Variants in HDAC1 observed in about 807,000 individuals in gnomAD.
The protein encoded by HDAC1 is histone deacetylase 1.
A neutral mutation model predicts 65.5 loss-of-function variants in HDAC1; 18 were observed. That is an observed-to-expected ratio of 0.27 (90% CI 0.19 to 0.41). The LOEUF (loss-of-function observed/expected upper bound fraction) is 0.41. Ranked by LOEUF, HDAC1 falls within the 10% of genes least tolerant of loss-of-function variation. HDAC1 has a pLI of 1.00. For missense variants in HDAC1, 373 were observed against 625.2 expected, an observed-to-expected ratio of 0.60 and a Z score of 4.30; for synonymous variants, 211 against 227.9, an observed-to-expected ratio of 0.93 and a Z score of 0.67.
At chr1:32,297,631 G>C (rs989770231) in intron 1 of HDAC1, among the ~76,000 whole-genome samples, 1 of 152,114 alleles carries the variant, frequency 6.6e-6, no homozygotes, top group Non-Finnish European at 1.5e-5. Flanking sequence ...TTGCGGGGGG[G>C]ACGGAGTCTT....
At chr1:32,312,060 G>C (rs1176076460) in intron 2 of HDAC1, among the ~76,000 whole-genome samples, 1 of 152,128 alleles carries the variant, frequency 6.6e-6, no homozygotes, top group African/African-American at 2.4e-5. Context: ...TGCCCAGGCT[G>C]GCCTTGAACT....
chr1:32,332,804 T>G, intron 13 of HDAC1, 55 bp downstream of exon 13: 1 of 1,453,478 alleles, frequency 6.9e-7, no homozygotes, highest in Non-Finnish European at 9.5e-7. Flanking sequence ...CCAGCCCCTT[T>G]GTCCCACCAC....
At chr1:32,328,602 C>T (rs1641250599) in intron 6 of HDAC1, among the ~76,000 whole-genome samples, 1 of 151,970 alleles carries the variant, frequency 6.6e-6, no homozygotes, top group African/African-American at 2.4e-5. Flanking sequence ...TAAATAGGCG[C>T]ACTCACTATT....
At chr1:32,328,101 T>C (rs1641243039) in intron 6 of HDAC1, among the ~76,000 whole-genome samples, 1 of 152,176 alleles carries the variant, frequency 6.6e-6, no homozygotes, top group Non-Finnish European at 1.5e-5. Context: ...ACATCTGATA[T>C]AGAATAGTTA....
chr1:32,332,895 A>G (rs1641316548), intron 13 of HDAC1, 122 bp from the exon 14 acceptor site: 4 of 1,173,594 alleles, frequency 3.4e-6, no homozygotes, highest in Non-Finnish European at 5.0e-6. Context: ...CTGCAGTTCT[A>G]GGCAGAGCTA....
At chr1:32,301,832 G>C (rs577585476) in intron 1 of HDAC1, among the ~76,000 whole-genome samples, 1 of 152,184 alleles carries the variant, frequency 6.6e-6, no homozygotes, top group African/African-American at 2.4e-5. Context: ...TTGAGACCCA[G>C]CCTGGTCTTG....
rs1007360168 is a variant in HDAC1, at chr1:32,330,568, A to G, written c.730-10A>G. ...TTGAGGTTGGTGGTGACCAGGATGTATCATTTTAGGTCATGTCCAAAGTAA... is the reference window on the plus strand; with the variant it reads ...TTGAGGTTGGTGGTGACCAGGATGTGTCATTTTAGGTCATGTCCAAAGTAA... On this transcript the variant is annotated splice_polypyrimidine_tract_variant and intron_variant, in intron 7 of 13. Transcript: ENST00000373548. The surrounding 1 kb of genome is among the most constrained non-coding windows in gnomAD (Gnocchi z 4.2). The G allele has an allele frequency of 3.8e-6, 6 of 1,597,618 alleles. No homozygotes were observed. In the Admixed American group the frequency reaches 6.7e-5, roughly 18 times the overall value.
intron 1 of HDAC1, chr1:32,292,543 G>A: frequency 1.8e-6 from 1 of 569,018 alleles, no homozygotes; most frequent in Non-Finnish European, 2.2e-6. Flanking sequence ...TGATGGAGAC[G>A]GCTGCAAGGA....
chr1:32,307,205 A>G (rs1640922442), intron 2 of HDAC1, among the ~76,000 whole-genome samples: 1 of 152,170 alleles, frequency 6.6e-6, no homozygotes, highest in South Asian at 2.1e-4. Context: ...AGATCTCACC[A>G]TTGCACTCTA....
rs1165225452 is a variant in HDAC1 at position 32,333,105 on chromosome 1, G to A, written c.*61G>A. On this transcript the variant is annotated 3_prime_UTR_variant, in exon 14 of 14. Transcript: ENST00000373548. Reference sequence around the variant, plus strand: ...CTCACGTTTCTTCCCCAACCCCTCAGATTTTATATTTTCTATTTCTCTGTG... The same window carrying A: ...CTCACGTTTCTTCCCCAACCCCTCAAATTTTATATTTTCTATTTCTCTGTG... The A allele has an allele frequency of 2.6e-5, 34 of 1,298,536 alleles. No homozygotes were observed. Among genetic ancestry groups the A allele is most frequent in the Admixed American group, 5.6e-5 (3 of 53,122 alleles). The allele number at this position is 1,298,536 out of a possible 1,614,324, so 80.4% of individuals were successfully genotyped here.
rs1641176527 is a variant in HDAC1, at chr1:32,323,461, G to A, written c.281-1018G>A. On this transcript the variant is annotated intron_variant, in intron 3 of 13. Transcript: ENST00000373548. The stretch of plus-strand genomic sequence containing the variant: ...CGCCCAGGCTGGAGTGCAGTTGCGC[G>A]ATCTCAGCTCACTGCAACCTCTGCC... Among the ~76,000 whole-genome samples the A allele has an allele frequency of 2.6e-5, 4 of 152,176 alleles. No homozygotes were observed. The South Asian group carries it at 8.3e-4, about 32-fold the overall frequency.
chr1:32,333,071 GCTGAGTCCCTCAC>G lies in HDAC1; in HGVS notation c.*28_*40del, dbSNP rs764812916. The G allele has an allele frequency of 6.2e-7, 1 of 1,602,546 alleles. No homozygotes were observed. Among genetic ancestry groups the G allele is most frequent in the East Asian group, 2.2e-5 (1 of 44,806 alleles). Reference sequence around the variant, plus strand: ...TGGACCTCTCCAGCTCTGGCTTCCTGCTGAGTCCCTCACGTTTCTTCCCCAACCCCTCAGATTT... The same window carrying G: ...TGGACCTCTCCAGCTCTGGCTTCCTGGTTTCTTCCCCAACCCCTCAGATTT... On this transcript the variant is annotated 3_prime_UTR_variant, in exon 14 of 14. Transcript: ENST00000373548.
intron 2 of HDAC1, among the ~76,000 whole-genome samples, chr1:32,304,729 C>T (rs1286791977): frequency 2.0e-5 from 3 of 152,162 alleles, no homozygotes; most frequent in African/African-American, 4.8e-5. Flanking sequence ...GCCACCACGC[C>T]TGGCTAATTT....
intron 2 of HDAC1, among the ~76,000 whole-genome samples, chr1:32,304,916 T>C (rs1442458701): frequency 6.6e-6 from 1 of 152,058 alleles, no homozygotes; most frequent in African/African-American, 2.4e-5. Context: ...CTTGCTGTTT[T>C]GTCCAGGCTG....
chr1:32,322,561 G>A (rs1057138334), intron 3 of HDAC1, among the ~76,000 whole-genome samples: 2 of 152,162 alleles, frequency 1.3e-5, no homozygotes, highest in Non-Finnish European at 2.9e-5. Context: ...GAGCCACCGC[G>A]CCCGGCCAGT....
At chr1:32,319,954 T>C (rs572365629) in intron 3 of HDAC1, among the ~76,000 whole-genome samples, 69 of 151,022 alleles carry the variant, frequency 4.6e-4, no homozygotes, top group East Asian at 2.3e-3. Context: ...TGGTGGCTCA[T>C]GCCTGTAATC....
chr1:32,318,113 C>A (rs1042068255), intron 3 of HDAC1, among the ~76,000 whole-genome samples: 1 of 152,222 alleles, frequency 6.6e-6, no homozygotes, highest in African/African-American at 2.4e-5. Flanking sequence ...GGATGTGCCA[C>A]CACGCCCGGC....
At chr1:32,310,492 C>T (rs940106558) in intron 2 of HDAC1, among the ~76,000 whole-genome samples, 3 of 152,108 alleles carry the variant, frequency 2.0e-5, no homozygotes, top group Non-Finnish European at 4.4e-5. Context: ...GCAAGAAGAT[C>T]ACTTGAGCCC....
chr1:32,333,178 C>A lies in HDAC1; in HGVS notation c.*134C>A. 1.4e-6 allele frequency: 1 copy of A among 738,322 alleles called. No homozygotes were observed. The highest frequency in any genetic ancestry group is 2.1e-6 in the Non-Finnish European group (1 of 472,092). 45.7% of individuals were successfully genotyped at this position (738,322 alleles called of 1,614,324 possible). On this transcript the variant is annotated 3_prime_UTR_variant, in exon 14 of 14. Transcript: ENST00000373548. ...ATATAAATATCCCCAGGGACAGAAA[C>A]CAAGGCCCCGAGCTCAGGGCAGCTG...
Sources: gnomAD v4.1 joint callset for allele counts (sites outside exome capture counted in the v4.1 genomes callset) on GRCh38, gnomAD v4.1.1 for gene constraint, Gnocchi (gnomAD v3.1) non-coding constraint, MANE v1.5 for transcripts, NCBI Gene and HGNC (gene_info 2026-07-23, HGNC 2026-07-21) for gene names.